SUPT20H: variants seen among roughly 807,000 people sequenced by gnomAD.
The protein encoded by SUPT20H is transcription factor SPT20 homolog.
Under a neutral mutation model 122.8 loss-of-function variants are expected in SUPT20H, and 82 were observed. That is an observed-to-expected ratio of 0.67 (90% CI 0.56 to 0.80). SUPT20H has a LOEUF of 0.80. Ranked by LOEUF, SUPT20H falls within the 30% of genes least tolerant of loss-of-function variation. The probability of loss-of-function intolerance (pLI) is 0.00; values close to 1 mark genes in which losing one functional copy is unlikely to be tolerated. For missense variants in SUPT20H, 831 were observed against 921.6 expected, an observed-to-expected ratio of 0.90 and a Z score of 1.27; for synonymous variants, 291 against 313.0, an observed-to-expected ratio of 0.93 and a Z score of 0.74.
rs559964194 is a variant in SUPT20H, at chr13:37,030,777, A to G, written c.921+790T>C. Reference sequence around the variant, plus strand: ...TCAGTATTTACACTGAAATTCTATTATCAGGCCATGTTCCTTGAAGAACTG... The same window carrying G: ...TCAGTATTTACACTGAAATTCTATTGTCAGGCCATGTTCCTTGAAGAACTG... On this transcript the variant is annotated intron_variant, in intron 12 of 25. Coordinates refer to ENST00000350612, the MANE Select transcript of SUPT20H (RefSeq NM_001014286.3). 5.3e-5 allele frequency among the ~76,000 whole-genome samples: 8 copies of G among 152,332 alleles called. No homozygotes were observed. The South Asian group carries it at 1.4e-3, about 28-fold the overall frequency.
intron 10 of SUPT20H, among the ~76,000 whole-genome samples, chr13:37,033,119 T>C (rs2063684224): frequency 1.3e-5 from 2 of 151,614 alleles, no homozygotes. Flanking sequence ...AACAGTTCAA[T>C]CTAAAGCATA....
intron 2 of SUPT20H, 54 bp downstream of exon 2, chr13:37,051,434 G>T: frequency 6.5e-7 from 1 of 1,543,522 alleles, no homozygotes; most frequent in Non-Finnish European, 8.9e-7. Context: ...TTATGAAGAT[G>T]AAGGAAGAGA....
chr13:37,018,236 T>C (rs1347131356), intron 22 of SUPT20H, among the ~76,000 whole-genome samples: 1 of 152,208 alleles, frequency 6.6e-6, no homozygotes, highest in African/African-American at 2.4e-5. Context: ...TCAATCAGTA[T>C]ACAGTAAATG....
chr13:37,021,245 C>A (rs1390058404), intron 21 of SUPT20H, among the ~76,000 whole-genome samples: 1 of 152,172 alleles, frequency 6.6e-6, no homozygotes, highest in African/African-American at 2.4e-5. Context: ...ACAGGCTTAC[C>A]AAGTTTTCCA....
In SUPT20H at chr13:37,024,262, G is replaced by C; in HGVS notation, c.1433-69C>G. 2.0e-6 allele frequency: 3 copies of C among 1,527,098 alleles called. No homozygotes were observed. In the South Asian group the frequency reaches 3.9e-5, roughly 20 times the overall value. The allele number at this position is 1,527,098 out of a possible 1,614,324, so 94.6% of individuals were successfully genotyped here. ...TTCTGTGAACTGTAGAAATCAAAAT[G>C]GGGCAAAGTTTTAAAAAGAGATTAT... On this transcript the variant is annotated intron_variant, in intron 18 of 25. Transcript: ENST00000350612.
At chr13:37,034,529 G>A (rs2093817) in intron 9 of SUPT20H, among the ~76,000 whole-genome samples, 127,049 of 152,192 alleles carry the variant, frequency 0.83, 54,124 homozygotes, top group East Asian at 1. Context: ...AGAAAAGTTT[G>A]AAGCAGAAAA....
intron 21 of SUPT20H, among the ~76,000 whole-genome samples, chr13:37,020,957 G>GT (rs1324828748): frequency 6.6e-6 from 1 of 152,104 alleles, no homozygotes; most frequent in African/African-American, 2.4e-5. Flanking sequence ...CGACTATGAG[G>GT]TAAGTTTTTA....
chr13:37,057,926 A>G (rs1026507066), intron 1 of SUPT20H, among the ~76,000 whole-genome samples: 2 of 145,594 alleles, frequency 1.4e-5, no homozygotes, highest in Non-Finnish European at 3.0e-5. Flanking sequence ...GTGAGCGAAG[A>G]TCGCGCCACT....
chr13:37,012,096 G>T, intron 24 of SUPT20H, 96 bp downstream of exon 24: 3 of 927,714 alleles, frequency 3.2e-6, no homozygotes, highest in Non-Finnish European at 5.1e-6. Flanking sequence ...TTTACTGGTT[G>T]CAAGGGAAGG....
chr13:37,015,909 A>G (rs1281846956), intron 23 of SUPT20H, among the ~76,000 whole-genome samples: 9 of 152,236 alleles, frequency 5.9e-5, no homozygotes, highest in Non-Finnish European at 1.2e-4. Flanking sequence ...GCCAAGTGAC[A>G]TAAGTCAAAC....
chr13:37,030,546 C>G (rs939654033), intron 12 of SUPT20H, among the ~76,000 whole-genome samples: 8 of 152,142 alleles, frequency 5.3e-5, no homozygotes, highest in African/African-American at 1.7e-4. Context: ...TTGAGCTAGA[C>G]TGAGAAGCTT....
chr13:37,029,397 C>A (rs1438382864), intron 13 of SUPT20H, among the ~76,000 whole-genome samples: 1 of 151,988 alleles, frequency 6.6e-6, no homozygotes, highest in Non-Finnish European at 1.5e-5. Flanking sequence ...GGTGTGGTGG[C>A]AGGTGCCTGT....
intron 21 of SUPT20H, among the ~76,000 whole-genome samples, chr13:37,020,879 AAG>A (rs2061373929): frequency 6.6e-6 from 1 of 152,234 alleles, no homozygotes; most frequent in African/African-American, 2.4e-5. Context: ...TCCTAAATAA[AAG>A]AATGCTTATC....
chr13:37,020,503 G>C (rs1318553654), intron 21 of SUPT20H, among the ~76,000 whole-genome samples: 1 of 152,098 alleles, frequency 6.6e-6, no homozygotes, highest in Non-Finnish European at 1.5e-5. Flanking sequence ...TAGAACCCCA[G>C]TTTAGCAACT....
At chr13:37,011,723 A>C (rs2059662784) in intron 24 of SUPT20H, among the ~76,000 whole-genome samples, 1 of 152,100 alleles carries the variant, frequency 6.6e-6, no homozygotes, top group Admixed American at 6.5e-5. Flanking sequence ...TTGAGAAGTA[A>C]TTTAATCTTT....
chr13:37,010,451 G>T, intron 25 of SUPT20H, 101 bp downstream of exon 25: 1 of 1,072,420 alleles, frequency 9.3e-7, no homozygotes, highest in Non-Finnish European at 1.4e-6. Context: ...TTACTGTACA[G>T]TCTTAAAAGA....
intron 13 of SUPT20H, among the ~76,000 whole-genome samples, chr13:37,029,323 G>A (rs1437585548): frequency 6.6e-6 from 1 of 152,160 alleles, no homozygotes; most frequent in Admixed American, 6.5e-5. Flanking sequence ...GAGATCGGGA[G>A]TTCGAGACCA....
At chr13:37,036,783 TATGATATACTTAC>T (rs1254458812) in intron 9 of SUPT20H, among the ~76,000 whole-genome samples, 4 of 152,190 alleles carry the variant, frequency 2.6e-5, no homozygotes, top group Non-Finnish European at 5.9e-5. Flanking sequence ...AGACCTTTAA[TATGATATACTTAC>T]TGAATAGTAA....
intron 2 of SUPT20H, among the ~76,000 whole-genome samples, chr13:37,050,680 G>C (rs2067495167): frequency 6.6e-6 from 1 of 152,036 alleles, no homozygotes; most frequent in Non-Finnish European, 1.5e-5. Flanking sequence ...ATAAATAAAA[G>C]CATCATTCAT....
Sources: gnomAD v4.1 joint callset for allele counts (sites outside exome capture counted in the v4.1 genomes callset) on GRCh38, gnomAD v4.1.1 for gene constraint, MANE v1.5 for transcripts, NCBI Gene and HGNC (gene_info 2026-07-23, HGNC 2026-07-21) for gene names.